The following LASP1 variants were observed in gnomAD, a reference collection of about 807,000 sequenced individuals.
The protein encoded by LASP1 is LIM and SH3 protein 1.
In LASP1, 10 loss-of-function variants were observed where a neutral mutation model predicts 38.6. The observed-to-expected ratio is 0.26, with a 90% CI of 0.16 to 0.44. LASP1 has a LOEUF of 0.44. LASP1 is among the 20% of genes least tolerant of loss of function. The pLI is 1.00. For synonymous variants in LASP1, 132 were observed against 140.8 expected, an observed-to-expected ratio of 0.94 and a Z score of 0.44; for missense variants, 243 against 375.7, an observed-to-expected ratio of 0.65 and a Z score of 2.92.
At chr17:38,885,554 C>T (rs573313685) in intron 2 of LASP1, among the ~76,000 whole-genome samples, 1 of 152,300 alleles carries the variant, frequency 6.6e-6, no homozygotes, top group Admixed American at 6.5e-5. Context: ...CCACCACCCA[C>T]TTGGAATGAT....
At chr17:38,897,210 G>A in intron 3 of LASP1, 3 of 455,862 alleles carry the variant, frequency 6.6e-6, no homozygotes, top group Non-Finnish European at 8.7e-6. Flanking sequence ...ATGAGTGACT[G>A]GGGGCTTCAG....
At chr17:38,885,205 G>A (rs1914082402) in intron 2 of LASP1, among the ~76,000 whole-genome samples, 1 of 152,200 alleles carries the variant, frequency 6.6e-6, no homozygotes, top group Non-Finnish European at 1.5e-5. Flanking sequence ...GGCAGCTGTG[G>A]TGTAGAGGAG....
chr17:38,910,271 G>A (rs927534833), intron 4 of LASP1, among the ~76,000 whole-genome samples: 2 of 152,172 alleles, frequency 1.3e-5, no homozygotes, highest in Admixed American at 6.5e-5. Context: ...AGGCTTTGTG[G>A]CCATATGGCC....
chr17:38,875,089 G>GTGTGTGTGTGTGTGT (rs1555553217), intron 1 of LASP1, among the ~76,000 whole-genome samples: 20 of 111,530 alleles, frequency 1.8e-4, no homozygotes, highest in African/African-American at 6.4e-4. Context: ...GTGTGTGTGT[G>GTGTGTGTGTGTGTGT]AGAAAGTGGG....
intron 2 of LASP1, among the ~76,000 whole-genome samples, chr17:38,887,566 C>G (rs960811477): frequency 5.3e-5 from 8 of 152,220 alleles, no homozygotes; most frequent in Admixed American, 2.0e-4. Context: ...TTTGCCTTTC[C>G]TCATCTTCCC....
intron 4 of LASP1, among the ~76,000 whole-genome samples, chr17:38,908,941 A>T (rs1226909508): frequency 6.6e-6 from 1 of 152,208 alleles, no homozygotes; most frequent in Non-Finnish European, 1.5e-5. Context: ...GACAGCCCTG[A>T]TGGGGCAGGG....
chr17:38,886,161 G>C (rs1267905114), intron 2 of LASP1, among the ~76,000 whole-genome samples: 1 of 149,172 alleles, frequency 6.7e-6, no homozygotes, highest in Admixed American at 6.7e-5. Context: ...TCTCGCTCTC[G>C]CTCTCTCCTC....
chr17:38,872,113 A>G (rs987497464), intron 1 of LASP1, among the ~76,000 whole-genome samples: 36 of 152,294 alleles, frequency 2.4e-4, no homozygotes, highest in African/African-American at 8.4e-4. Context: ...TCCTTGTTCC[A>G]GGTCTGCTCC....
rs544210975 is a variant in LASP1 at position 38,911,218 on chromosome 17, C to T, written c.358-3107C>T. 2.6e-5 allele frequency among the ~76,000 whole-genome samples: 4 copies of T among 152,270 alleles called. No individual in the cohort carries two copies. In the South Asian group the frequency reaches 6.2e-4, roughly 24 times the overall value. ...CCACCCGCCAACAGCACAGCCCAGT[C>T]CCAGGTGCTATGGAAGCCCTGGGTT... On this transcript the variant is annotated intron_variant, in intron 4 of 6. Transcript: ENST00000318008.
chr17:38,879,765 G>C (rs758063960), intron 2 of LASP1, among the ~76,000 whole-genome samples: 17 of 151,900 alleles, frequency 1.1e-4, no homozygotes, highest in African/African-American at 3.6e-4. Context: ...TTAGGGGCTC[G>C]CTCATTCAGC....
chr17:38,906,986 T>A (rs1156614472), intron 4 of LASP1, among the ~76,000 whole-genome samples: 1 of 152,202 alleles, frequency 6.6e-6, no homozygotes, highest in Admixed American at 6.5e-5. Flanking sequence ...CAGGGCTCTC[T>A]GAAGGCCAGA....
At position 38,870,168 on chromosome 17, in the gene LASP1, C is replaced by T; in HGVS notation, c.-22C>T. 6.2e-7 allele frequency: 1 copy of T among 1,613,038 alleles called. No homozygotes were observed. Among genetic ancestry groups the T allele is most frequent in the African/African-American group, 1.3e-5 (1 of 75,044 alleles). The stretch of plus-strand genomic sequence containing the variant: ...GGACGCGCGTGAGCTCAGGCGTCCC[C>T]GCCCCAGCTTTTCTCGGAACCATGA... On this transcript the variant is annotated 5_prime_UTR_variant, in exon 1 of 7. Transcript: ENST00000318008.
chr17:38,882,972 A>C lies in LASP1; in HGVS notation c.164+4792A>C, dbSNP rs190205463. Among the ~76,000 whole-genome samples, 485 of 152,164 alleles carry C rather than the reference A, an allele frequency of 3.2e-3. 1 individual carries two copies. The highest frequency in any genetic ancestry group is 5.1e-3 in the Non-Finnish European group (347 of 67,986). ...GGTAAAGATGTCCCTGATTCTGGGG[A>C]GCCAGGAACTATGTTTCTGCCCCTT... is the stretch of plus-strand genomic sequence containing the variant. On this transcript the variant is annotated intron_variant, in intron 2 of 6. Coordinates refer to ENST00000318008, the MANE Select transcript of LASP1 (RefSeq NM_006148.4).
intron 2 of LASP1, among the ~76,000 whole-genome samples, chr17:38,883,336 C>T (rs138025396): frequency 2.0e-5 from 3 of 152,230 alleles, no homozygotes; most frequent in East Asian, 3.9e-4. Flanking sequence ...GCCCTGATTG[C>T]ACCACAGCAC....
chr17:38,893,126 T>C (rs1197883574), intron 3 of LASP1, among the ~76,000 whole-genome samples: 1 of 152,230 alleles, frequency 6.6e-6, no homozygotes, highest in Non-Finnish European at 1.5e-5. Flanking sequence ...AAACTGAGGT[T>C]TACAGAGGCT....
At chr17:38,894,031 G>A (rs943518297) in intron 3 of LASP1, among the ~76,000 whole-genome samples, 1 of 152,068 alleles carries the variant, frequency 6.6e-6, no homozygotes, top group Non-Finnish European at 1.5e-5. Context: ...CACTTTGGGT[G>A]TCTGGGACAC....
intron 1 of LASP1, among the ~76,000 whole-genome samples, chr17:38,874,537 C>T (rs1913704092): frequency 6.6e-6 from 1 of 152,094 alleles, no homozygotes; most frequent in African/African-American, 2.4e-5. Context: ...GGGCCTTCCT[C>T]CAGAGAGGGT....
intron 3 of LASP1, among the ~76,000 whole-genome samples, chr17:38,891,490 T>G (rs1041324756): frequency 1.3e-5 from 2 of 152,118 alleles, no homozygotes; most frequent in East Asian, 1.9e-4. Flanking sequence ...AGGAAGGTGC[T>G]ATCTTCCCCA....
chr17:38,870,635 C>A (rs1490677808), intron 1 of LASP1, among the ~76,000 whole-genome samples: 1 of 149,130 alleles, frequency 6.7e-6, no homozygotes, highest in Admixed American at 6.7e-5. Flanking sequence ...CGCTCTGCGC[C>A]GAGCGCCAAG....
Sources: gnomAD v4.1 joint callset for allele counts (sites outside exome capture counted in the v4.1 genomes callset) on GRCh38, gnomAD v4.1.1 for gene constraint, MANE v1.5 for transcripts, NCBI Gene and HGNC (gene_info 2026-07-23, HGNC 2026-07-21) for gene names.